Variants in PTCD1 observed in about 807,000 individuals in gnomAD.
PTCD1 encodes pentatricopeptide repeat-containing protein 1, mitochondrial.
In PTCD1, 50 loss-of-function variants were observed where a neutral mutation model predicts 53.4. The ratio of observed to expected loss-of-function variants is 0.94; its 90% CI spans 0.75 to 1.19. PTCD1 has a LOEUF of 1.19. Among genes scored for constraint, PTCD1 ranks in the 50% most tolerant of loss-of-function variants. The pLI is 0.00. For missense variants in PTCD1, 918 were observed against 904.8 expected (o/e 1.01, Z -0.19); for synonymous variants, 413 against 394.8 (o/e 1.05, Z -0.55).
chr7:99,423,785 G>A lies in PTCD1; in HGVS notation c.1910C>T (p.Thr637Ile), dbSNP rs1311940670. The A allele has an allele frequency of 6.2e-7, 1 of 1,614,096 alleles. No homozygotes were observed. Among genetic ancestry groups the A allele is most frequent in the Middle Eastern group, 1.7e-4 (1 of 6,014 alleles). Reference sequence around the variant, plus strand: ...GCTTGGGGCACACACCCGGTCAAAGGTGGGAGGGTACTGGGCTGCAAACTC... The same window carrying A: ...GCTTGGGGCACACACCCGGTCAAAGATGGGAGGGTACTGGGCTGCAAACTC... ...QLEFAAQYPP[T>I]FDRYQGKNTY... Residue 637 changes from threonine to isoleucine, a missense_variant, in exon 7 of 8, where the codon ACC (threonine) becomes ATC (isoleucine). Transcript: ENST00000292478.
rs868291858 is a variant in PTCD1, at chr7:99,424,902, G to A, written c.1630C>T (p.Pro544Ser). Reference protein sequence around the residue: ...GDLEGAKALLPVLAKRGLVPN... With the variant: ...GDLEGAKALLSVLAKRGLVPN... Reference sequence around the variant, plus strand: ...ACGAGGCCCCTCTTTGCCAGGACCGGCAACAGCGCCTTGGCCCCCTCCAGG... The same window carrying A: ...ACGAGGCCCCTCTTTGCCAGGACCGACAACAGCGCCTTGGCCCCCTCCAGG... Residue 544 changes from proline to serine, a missense_variant, in exon 6 of 8, where the codon CCG becomes TCG. Pro to Ser is a moderately conservative substitution (Grantham distance 74). Transcript: ENST00000292478. The A allele has an allele frequency of 6.2e-7, 1 of 1,614,250 alleles. No individual in the cohort carries two copies.
intron 5 of PTCD1, 145 bp from the exon 6 acceptor site, chr7:99,425,761 G>A: frequency 8.8e-7 from 1 of 1,132,110 alleles, no homozygotes; most frequent in Non-Finnish European, 1.3e-6. Context: ...GGGCAACATA[G>A]CAAGACCCTG....
chr7:99,421,363 G>C (rs754721003), intron 7 of PTCD1, among the ~76,000 whole-genome samples: 3 of 151,052 alleles, frequency 2.0e-5, no homozygotes, highest in Non-Finnish European at 4.4e-5. Flanking sequence ...GGGAGGTCAA[G>C]GCTACAGTGA....
At position 99,425,481 on chromosome 7, in the gene PTCD1, C is replaced by G; in HGVS notation, c.1051G>C (p.Ala351Pro). ...CTCACTGGGGGCTGAAGCACAGTCG[C>G]CTCCTCCCTGGGCTTCAGAAGCAGC... ...SELLLKPREEATVLQPPVSRQ... is the reference protein window; with the variant it reads ...SELLLKPREEPTVLQPPVSRQ... Residue 351 changes from alanine to proline, a missense_variant, in exon 6 of 8, where the codon GCG becomes CCG. Physicochemically the swap from Ala to Pro is conservative, Grantham distance 27. Coordinates refer to ENST00000292478, the MANE Select transcript of PTCD1 (RefSeq NM_015545.4). The G allele has an allele frequency of 6.2e-7, 1 of 1,613,282 alleles. No homozygotes were observed. The highest frequency in any genetic ancestry group is 8.5e-7 in the Non-Finnish European group (1 of 1,179,710).
At position 99,438,720 on chromosome 7, in the gene PTCD1, CG is replaced by C. The variant is rs555962854; in HGVS notation, c.-56del. ...AAGTGTCCGGCGCAGTGCACTCCGA[CG>C]GGGAGCCCTGCCCGGTCCCCGCGGC... On this transcript the variant is annotated 5_prime_UTR_variant, in exon 1 of 8. Transcript: ENST00000292478. The C allele has an allele frequency of 9.6e-4, 1,248 of 1,298,650 alleles. 12 individuals are homozygous for C. In the African/African-American group the frequency reaches 0.017, roughly 18 times the overall value. The allele number at this position is 1,298,650 out of a possible 1,614,324, so 80.4% of individuals were successfully genotyped here.
rs1369451815 is a variant in PTCD1 at position 99,426,813 on chromosome 7, C to T, written c.916-1197G>A. ...CGCCCATCGTCTGAGATGTGGGGAGCGCCTCTGCCCCGCCGCCCCGTCTGG... is the reference window on the plus strand; with the variant it reads ...CGCCCATCGTCTGAGATGTGGGGAGTGCCTCTGCCCCGCCGCCCCGTCTGG... On this transcript the variant is annotated intron_variant, in intron 5 of 7. Coordinates refer to ENST00000292478, the MANE Select transcript of PTCD1 (RefSeq NM_015545.4). 1.4e-3 allele frequency among the ~76,000 whole-genome samples: 212 copies of T among 148,460 alleles called. 1 individual carries two copies. The highest frequency in any genetic ancestry group is 4.4e-3 in the African/African-American group (178 of 40,116).
chr7:99,431,236 T>C (rs1796238171), intron 3 of PTCD1, among the ~76,000 whole-genome samples: 2 of 151,496 alleles, frequency 1.3e-5, no homozygotes, highest in Non-Finnish European at 2.9e-5. Flanking sequence ...TTCAAGTGAT[T>C]CCCTTGCCTC....
rs368170555 is a variant in PTCD1, at chr7:99,429,532, CCT to C, written c.813+54_813+55del. On this transcript the variant is annotated intron_variant, in intron 4 of 7. Transcript: ENST00000292478. ...GAGAGACAGACACCACAGCCCTGCCCCTGACACGTGGGACCAGCCCCATGAAG... is the reference window on the plus strand; with the variant it reads ...GAGAGACAGACACCACAGCCCTGCCCGACACGTGGGACCAGCCCCATGAAG... The C allele has an allele frequency of 5.0e-4, 808 of 1,612,564 alleles. 3 individuals carry two copies. In the African/African-American group the frequency reaches 9.8e-3, roughly 20 times the overall value.
rs1320969996 is a variant in PTCD1 at position 99,419,517 on chromosome 7, G to C, written c.*450C>G. 1 of 1,554,968 alleles carries C rather than the reference G, an allele frequency of 6.4e-7. No individual in the cohort carries two copies. Among genetic ancestry groups the C allele is most frequent in the African/African-American group, 1.4e-5 (1 of 73,818 alleles). On this transcript the variant is annotated 3_prime_UTR_variant, in exon 8 of 8. Transcript: ENST00000292478. ...ACGCCACCCCCTTCCTGGGAGCAGC[G>C]AGCAGTGCCCCAGGCCCGAGTTGGA...
In PTCD1 at chr7:99,425,395, C is replaced by A; in HGVS notation, c.1137G>T (p.Leu379=). 6.2e-7 allele frequency: 1 copy of A among 1,614,204 alleles called. No homozygotes were observed. The highest frequency in any genetic ancestry group is 8.5e-7 in the Non-Finnish European group (1 of 1,180,044). ...GCTGCCTCTCCAGGGCCTCCACATG[C>A]AGCATGGCTGACATGAGGTTGCCTG... ...AKAGNLMSAM[L]HVEALERQLF... The change falls in exon 6 of 8, where the codon CTG becomes CTT. Residue 379 remains leucine, a synonymous_variant. Transcript: ENST00000292478.
At position 99,422,917 on chromosome 7, in the gene PTCD1, G is replaced by A. The variant is rs1795879964; in HGVS notation, c.1920+858C>T. On this transcript the variant is annotated intron_variant, in intron 7 of 7. Coordinates refer to ENST00000292478, the MANE Select transcript of PTCD1 (RefSeq NM_015545.4). Reference sequence around the variant, plus strand: ...TGTAAATCAGACACCACCTCCCCAAGCTCATCTACAAAACCTCTGCATTAC... The same window carrying A: ...TGTAAATCAGACACCACCTCCCCAAACTCATCTACAAAACCTCTGCATTAC... Among the ~76,000 whole-genome samples, 3 of 151,694 alleles carry A rather than the reference G, an allele frequency of 2.0e-5. No homozygotes were observed. The South Asian group carries it at 6.2e-4, about 31-fold the overall frequency.
intron 7 of PTCD1, among the ~76,000 whole-genome samples, chr7:99,421,260 T>C (rs1193443697): frequency 6.6e-6 from 1 of 151,604 alleles, no homozygotes; most frequent in Non-Finnish European, 1.5e-5. Flanking sequence ...GGCAATATAG[T>C]GAAACCCTAT....
chr7:99,433,282 T>C lies in PTCD1; in HGVS notation c.590A>G (p.Asn197Ser), dbSNP rs1340569401. Residue 197 changes from asparagine (N) to serine (S), a missense_variant, in exon 3 of 8, where the codon AAC (asparagine) becomes AGC (serine). By Grantham distance (46) the Asn-to-Ser change is conservative. Coordinates refer to ENST00000292478, the MANE Select transcript of PTCD1 (RefSeq NM_015545.4). ...GYLKKAFNLY[N>S]QMKKRDLEPS... ...CTGCCCTGCGCCCACATGCACCTGG[T>C]TGTAGAGGTTGAAGGCCTTCTTCAG... The C allele has an allele frequency of 5.0e-6, 8 of 1,614,052 alleles. No individual in the cohort carries two copies. The highest frequency in any genetic ancestry group is 6.8e-6 in the Non-Finnish European group (8 of 1,179,986).
In PTCD1 at chr7:99,420,126, C is replaced by T. The variant is rs369674067; in HGVS notation, c.1944G>A (p.Leu648=). The change falls in exon 8 of 8, where the codon CTG becomes CTA. Residue 648 remains leucine (L), a synonymous_variant. Transcript: ENST00000292478. ...FDRYQGKNTY[L]EKIDGFRAYY... is the part of the protein sequence containing the mutation. ...AGGCTCGGAAGCCGTCAATCTTCTC[C>T]AGGTAGGTGTTCTTCCCTTGGTACT... The T allele has an allele frequency of 1.1e-5, 17 of 1,614,092 alleles. No homozygotes were observed. Among genetic ancestry groups the T allele is most frequent in the Admixed American group, 1.7e-5 (1 of 60,010 alleles).
Position 99,429,615 on chromosome 7 carries a change from G to A in PTCD1, c.786C>T (p.Asp262=). 1 of 1,614,204 alleles carries A rather than the reference G, an allele frequency of 6.2e-7. No individual in the cohort carries two copies. The highest frequency in any genetic ancestry group is 8.5e-7 in the Non-Finnish European group (1 of 1,180,040). The change falls in exon 4 of 8, where the codon GAC becomes GAT. Residue 262 remains aspartate, a synonymous_variant. Coordinates refer to ENST00000292478, the MANE Select transcript of PTCD1 (RefSeq NM_015545.4). The part of the protein sequence containing the change: ...ALLKMAAKCA[D]LRMCLDVFKE... ...TGAACACATCGAGGCACATCCTAAG[G>A]TCTGCGCACTTGGCAGCCATCTTCA...
chr7:99,426,382 G>A (rs1796026685), intron 5 of PTCD1, among the ~76,000 whole-genome samples: 1 of 152,166 alleles, frequency 6.6e-6, no homozygotes, highest in African/African-American at 2.4e-5. Flanking sequence ...GGTGGAGACG[G>A]GGTTTCGCTG....
chr7:99,431,503 A>G (rs1484234706), intron 3 of PTCD1, among the ~76,000 whole-genome samples: 6 of 152,156 alleles, frequency 3.9e-5, no homozygotes, highest in Non-Finnish European at 8.8e-5. Flanking sequence ...GCACTTTGGG[A>G]GGCCAAGGCG....
rs533142424 is a variant in PTCD1 at position 99,425,751 on chromosome 7, G to A, written c.916-135C>T. The stretch of plus-strand genomic sequence containing the variant: ...GAGATCAGGAGTTCGAGACAAGACC[G>A]GGCAACATAGCAAGACCCTGCCTCA... On this transcript the variant is annotated intron_variant, in intron 5 of 7. Transcript: ENST00000292478. The A allele has an allele frequency of 5.5e-5, 67 of 1,217,656 alleles. 1 individual carries two copies. Among genetic ancestry groups the A allele is most frequent in the South Asian group, 3.4e-4 (26 of 76,630 alleles). The allele number at this position is 1,217,656 out of a possible 1,614,324, so 75.4% of individuals were successfully genotyped here.
chr7:99,437,573 G>T (rs1796531825), intron 1 of PTCD1, among the ~76,000 whole-genome samples: 1 of 152,114 alleles, frequency 6.6e-6, no homozygotes, highest in African/African-American at 2.4e-5. Flanking sequence ...GAAGTGCTGG[G>T]ATTACAGCCG....
Sources: allele counts gnomAD v4.1 joint callset (sites outside exome capture counted in the v4.1 genomes callset), GRCh38; gene constraint gnomAD v4.1.1; transcripts MANE v1.5; gene names NCBI Gene and HGNC (gene_info 2026-07-23, HGNC 2026-07-21).